The following DTNB variants were observed in gnomAD, a reference collection of about 807,000 sequenced individuals.
DTNB encodes dystrobrevin beta.
DTNB carries 63 observed loss-of-function variants against 90.7 expected under a neutral mutation model. That is an observed-to-expected ratio of 0.69 (90% CI 0.57 to 0.86). The LOEUF is 0.86. DTNB is among the 40% of genes least tolerant of loss of function. The pLI, the probability that DTNB is intolerant of heterozygous loss-of-function variation, is 0.00. For synonymous variants in DTNB, 277 were observed against 286.7 expected, an observed-to-expected ratio of 0.97 and a Z score of 0.34; for missense variants, 744 against 807.1, an observed-to-expected ratio of 0.92 and a Z score of 0.95.
At position 25,467,397 on chromosome 2, in the gene DTNB, C is replaced by T. The variant is rs372593837; in HGVS notation, c.1080-11903G>A. Among the ~76,000 whole-genome samples, 6 of 150,804 alleles carry T rather than the reference C, an allele frequency of 4.0e-5. No individual in the cohort carries two copies. The South Asian group carries it at 1.0e-3, about 26-fold the overall frequency. ...CACTGCAGCCTCAAACTCCTGGGCT[C>T]AAGCAATCCTTGCACCTCAGTCTCT... On this transcript the variant is annotated intron_variant, in intron 10 of 20. Coordinates refer to ENST00000406818, the MANE Select transcript of DTNB (RefSeq NM_021907.5).
intron 4 of DTNB, among the ~76,000 whole-genome samples, chr2:25,616,431 C>T (rs2070533109): frequency 6.6e-6 from 1 of 151,960 alleles, no homozygotes; most frequent in Non-Finnish European, 1.5e-5. Flanking sequence ...TTGACTCAAC[C>T]CTGTTGTAAA....
At chr2:25,481,876 T>A (rs990631568) in intron 10 of DTNB, 5 of 152,232 alleles carry the variant, frequency 3.3e-5, no homozygotes, top group African/African-American at 1.2e-4. Flanking sequence ...TCAGTCAGGT[T>A]TGATAAACAC....
intron 8 of DTNB, among the ~76,000 whole-genome samples, chr2:25,552,922 G>A (rs529265632): frequency 3.3e-4 from 41 of 125,742 alleles, no homozygotes; most frequent in African/African-American, 1.1e-3. Context: ...CTGCAGTGGC[G>A]CAATCTCGGC....
intron 10 of DTNB, among the ~76,000 whole-genome samples, chr2:25,475,497 G>A (rs1478714113): frequency 2.6e-5 from 4 of 152,252 alleles, no homozygotes; most frequent in African/African-American, 4.8e-5. Flanking sequence ...ACATGCAGGT[G>A]TGAGGTGAAG....
At chr2:25,440,402 A>G (rs2057093879) in intron 12 of DTNB, among the ~76,000 whole-genome samples, 1 of 152,270 alleles carries the variant, frequency 6.6e-6, no homozygotes, top group African/African-American at 2.4e-5. Context: ...AAGGTAAGAC[A>G]GCTGTAAAGA....
At chr2:25,456,342 C>T (rs2060026888) in intron 10 of DTNB, among the ~76,000 whole-genome samples, 5 of 152,198 alleles carry the variant, frequency 3.3e-5, no homozygotes, top group Admixed American at 6.5e-5. Flanking sequence ...TGAGCCTGTA[C>T]ATCTATCAGA....
intron 9 of DTNB, among the ~76,000 whole-genome samples, chr2:25,520,200 G>A (rs1431215957): frequency 6.6e-6 from 1 of 152,172 alleles, no homozygotes; most frequent in African/African-American, 2.4e-5. Context: ...CGGACAACAT[G>A]GTGAAACCCC....
chr2:25,650,671 C>T (rs1249824472), intron 2 of DTNB, among the ~76,000 whole-genome samples: 1 of 152,108 alleles, frequency 6.6e-6, no homozygotes, highest in Non-Finnish European at 1.5e-5. Context: ...AGAAGTAGCA[C>T]AGATTTAGGC....
At chr2:25,450,962 ACCTGGCT>A (rs2059190836) in intron 12 of DTNB, among the ~76,000 whole-genome samples, 1 of 152,050 alleles carries the variant, frequency 6.6e-6, no homozygotes, top group African/African-American at 2.4e-5. Flanking sequence ...GTGCTACCAC[ACCTGGCT>A]AATTTTTGTA....
intron 16 of DTNB, among the ~76,000 whole-genome samples, chr2:25,403,422 C>T (rs925719248): frequency 5.3e-5 from 8 of 151,864 alleles, no homozygotes; most frequent in Non-Finnish European, 1.0e-4. Flanking sequence ...GGCCCGTATC[C>T]CACTAGTCTT....
chr2:25,586,400 C>A (rs924563415), intron 6 of DTNB, among the ~76,000 whole-genome samples: 2 of 151,038 alleles, frequency 1.3e-5, no homozygotes, highest in Non-Finnish European at 2.9e-5. Flanking sequence ...ATCCCAGCTA[C>A]TCGGGAGGCT....
intron 15 of DTNB, among the ~76,000 whole-genome samples, chr2:25,422,389 T>C (rs988077393): frequency 1.4e-5 from 2 of 145,984 alleles, no homozygotes; most frequent in Admixed American, 7.0e-5. Context: ...AGTTTCCTTT[T>C]CTCTTCTTTT....
intron 3 of DTNB, among the ~76,000 whole-genome samples, 187 bp from the exon 4 acceptor site, chr2:25,628,571 A>G (rs2074973994): frequency 1.3e-5 from 2 of 152,210 alleles, no homozygotes; most frequent in African/African-American, 4.8e-5. Flanking sequence ...GAGCCACCAC[A>G]GCGGTATGGG....
At chr2:25,646,012 C>T (rs940516214) in intron 2 of DTNB, among the ~76,000 whole-genome samples, 2 of 152,030 alleles carry the variant, frequency 1.3e-5, no homozygotes, top group East Asian at 1.9e-4. Flanking sequence ...GAAATGTAAA[C>T]CAAAAATAAC....
At position 25,576,908 on chromosome 2, in the gene DTNB, T is replaced by C. The variant is rs2060769270; in HGVS notation, c.806A>G (p.Asn269Ser). ...QQCHNYQLCQ[N>S]CFWRGHAGGP... is the part of the protein sequence containing the mutation. Reference sequence around the variant, plus strand: ...GCCGGCATGGCCACGCCAAAAGCAATTCTGGCAGAGCTGATAGTTGTGGCA... The same window carrying C: ...GCCGGCATGGCCACGCCAAAAGCAACTCTGGCAGAGCTGATAGTTGTGGCA... Residue 269 changes from asparagine to serine, a missense_variant, in exon 8 of 21, where the codon AAT becomes AGT. Asn to Ser is a conservative substitution (Grantham distance 46). Coordinates refer to ENST00000406818, the MANE Select transcript of DTNB (RefSeq NM_021907.5). The C allele has an allele frequency of 1.2e-6, 2 of 1,613,250 alleles. No individual in the cohort carries two copies. The highest frequency in any genetic ancestry group is 1.7e-6 in the Non-Finnish European group (2 of 1,179,688).
intron 10 of DTNB, among the ~76,000 whole-genome samples, chr2:25,468,396 A>G (rs150517456): frequency 6.8e-4 from 104 of 152,230 alleles, no homozygotes; most frequent in Middle Eastern, 3.4e-3. Context: ...AGGCTGCAAT[A>G]TGCTTGTCTG....
intron 9 of DTNB, among the ~76,000 whole-genome samples, chr2:25,526,362 A>AATATATATATATAT (rs1273988960): frequency 1.0e-5 from 1 of 99,788 alleles, no homozygotes. Context: ...AATATATATA[A>AATATATATATATAT]ATATATATAT....
intron 9 of DTNB, among the ~76,000 whole-genome samples, chr2:25,488,800 G>A (rs1328532260): frequency 6.6e-6 from 1 of 152,086 alleles, no homozygotes; most frequent in African/African-American, 2.4e-5. Context: ...ACAGGCATCC[G>A]CCATCATGCC....
intron 10 of DTNB, among the ~76,000 whole-genome samples, chr2:25,460,559 T>G (rs996853878): frequency 4.0e-5 from 6 of 151,824 alleles, no homozygotes; most frequent in African/African-American, 1.5e-4. Context: ...CAAGAAGAAA[T>G]GAGAAAAACT....
Sources: allele counts gnomAD v4.1 joint callset (sites outside exome capture counted in the v4.1 genomes callset), GRCh38; gene constraint gnomAD v4.1.1; transcripts MANE v1.5; gene names NCBI Gene and HGNC (gene_info 2026-07-23, HGNC 2026-07-21).